The following NEDD4L variants were observed in gnomAD, a reference collection of about 807,000 sequenced individuals.
NEDD4L encodes E3 ubiquitin-protein ligase NEDD4-like.
In NEDD4L, 54 loss-of-function variants were observed where a neutral mutation model predicts 148.9. The ratio of observed to expected loss-of-function variants is 0.36; its 90% CI spans 0.29 to 0.45. The LOEUF is 0.45. NEDD4L is among the 20% of genes least tolerant of loss of function. The pLI is 1.00. For synonymous variants in NEDD4L, 433 were observed against 440.7 expected, an observed-to-expected ratio of 0.98 and a Z score of 0.22; for missense variants, 856 against 1,233.8, an observed-to-expected ratio of 0.69 and a Z score of 4.59.
chr18:58,288,512 G>A (rs934584332), intron 5 of NEDD4L, among the ~76,000 whole-genome samples: 6 of 152,140 alleles, frequency 3.9e-5, no homozygotes, highest in Non-Finnish European at 8.8e-5. Flanking sequence ...TTTGTATAGC[G>A]AAAAAGAACA....
At chr18:58,260,946 G>A (rs530051792) in intron 5 of NEDD4L, among the ~76,000 whole-genome samples, 26 of 152,258 alleles carry the variant, frequency 1.7e-4, no homozygotes, top group Admixed American at 1.6e-3. Flanking sequence ...TGTCCAGCTC[G>A]TAGGTTCATA....
At chr18:58,070,567 C>T (rs1465813858) in intron 1 of NEDD4L, among the ~76,000 whole-genome samples, 1 of 152,056 alleles carries the variant, frequency 6.6e-6, no homozygotes, top group Non-Finnish European at 1.5e-5. Context: ...ATCTAGAAGG[C>T]TCTGAGCATT....
At chr18:58,225,139 G>T (rs1044616905) in intron 2 of NEDD4L, among the ~76,000 whole-genome samples, 1 of 152,088 alleles carries the variant, frequency 6.6e-6, no homozygotes, top group Admixed American at 6.6e-5. Flanking sequence ...AAGGGGTATT[G>T]GGGGGGAAGA....
At chr18:58,351,733 A>C (rs1463452188) in intron 18 of NEDD4L, among the ~76,000 whole-genome samples, 5 of 152,082 alleles carry the variant, frequency 3.3e-5, no homozygotes, top group Non-Finnish European at 7.4e-5. Flanking sequence ...AAATTTTCTG[A>C]AAAAGTATAT....
At position 58,357,001 on chromosome 18, in the gene NEDD4L, G is replaced by A. The variant is rs57928540; in HGVS notation, c.1709-193G>A. ...TTGATTGAGTGTTTTTAACTAAACA[G>A]TATGTGAGGGGGGTTGCCATATAGA... On this transcript the variant is annotated intron_variant, in intron 18 of 30. Coordinates refer to ENST00000400345, the MANE Select transcript of NEDD4L (RefSeq NM_001144967.3). Among the ~76,000 whole-genome samples the A allele has an allele frequency of 4.6e-3, 697 of 152,272 alleles. 7 individuals carry two copies. The highest frequency in any genetic ancestry group is 0.012 in the African/African-American group (515 of 41,552).
intron 1 of NEDD4L, among the ~76,000 whole-genome samples, chr18:58,136,476 C>T (rs1021522293): frequency 5.3e-5 from 8 of 152,092 alleles, no homozygotes; most frequent in African/African-American, 1.4e-4. Flanking sequence ...TGTCTTCCAG[C>T]GATTTTCATT....
chr18:58,323,653 T>C (rs2059044990), intron 8 of NEDD4L, among the ~76,000 whole-genome samples: 1 of 152,218 alleles, frequency 6.6e-6, no homozygotes, highest in Non-Finnish European at 1.5e-5. Context: ...CTTGCAACTC[T>C]TTGTAAATTC....
intron 2 of NEDD4L, among the ~76,000 whole-genome samples, chr18:58,186,330 G>C (rs1321285197): frequency 2.6e-5 from 4 of 152,212 alleles, no homozygotes; most frequent in African/African-American, 9.6e-5. Context: ...AGAGAGAGAT[G>C]GTGGCTCCTG....
At chr18:58,289,666 A>G (rs1243554682) in intron 5 of NEDD4L, among the ~76,000 whole-genome samples, 3 of 152,126 alleles carry the variant, frequency 2.0e-5, no homozygotes, top group Non-Finnish European at 2.9e-5. Flanking sequence ...AGCTCTTAGT[A>G]ATTAGGGGAA....
At chr18:58,162,400 C>G (rs1352060857) in intron 1 of NEDD4L, among the ~76,000 whole-genome samples, 1 of 151,992 alleles carries the variant, frequency 6.6e-6, no homozygotes, top group Non-Finnish European at 1.5e-5. Context: ...ACTCCCAGCC[C>G]TGCCGCACCA....
intron 11 of NEDD4L, among the ~76,000 whole-genome samples, chr18:58,332,000 A>G (rs2059827921): frequency 6.6e-6 from 1 of 152,232 alleles, no homozygotes; most frequent in African/African-American, 2.4e-5. Flanking sequence ...TGGACAGGAT[A>G]AAAGAAATTG....
intron 1 of NEDD4L, among the ~76,000 whole-genome samples, chr18:58,125,990 A>G (rs2031012179): frequency 6.6e-6 from 1 of 152,136 alleles, no homozygotes; most frequent in Non-Finnish European, 1.5e-5. Flanking sequence ...CAGTCTGGGG[A>G]AGTTGGCATC....
At chr18:58,089,985 A>T (rs527388729) in intron 1 of NEDD4L, among the ~76,000 whole-genome samples, 1 of 151,968 alleles carries the variant, frequency 6.6e-6, no homozygotes, top group East Asian at 1.9e-4. Context: ...GATTACAGGT[A>T]TGTGCCACCA....
At chr18:58,080,589 C>T (rs529264270) in intron 1 of NEDD4L, among the ~76,000 whole-genome samples, 81 of 152,238 alleles carry the variant, frequency 5.3e-4, no homozygotes, top group African/African-American at 1.7e-3. Flanking sequence ...GCCAGATGAG[C>T]GAGAAGGCAA....
chr18:58,221,802 A>G, intron 2 of NEDD4L: 1 of 792,622 alleles, frequency 1.3e-6, no homozygotes, highest in Non-Finnish European at 1.5e-6. Flanking sequence ...TGAATGCATA[A>G]CATCTGTTCT....
chr18:58,385,393 G>A (rs2048877158), intron 25 of NEDD4L, 133 bp from the exon 26 acceptor site: 1 of 768,312 alleles, frequency 1.3e-6, no homozygotes, highest in Admixed American at 1.9e-5. Context: ...AAACTAAACA[G>A]TGGGGGCACA....
intron 5 of NEDD4L, among the ~76,000 whole-genome samples, chr18:58,308,726 G>A (rs1341725455): frequency 6.6e-6 from 1 of 152,210 alleles, no homozygotes; most frequent in African/African-American, 2.4e-5. Context: ...TGGTCTGGCC[G>A]CGCCTCCCTT....
intron 5 of NEDD4L, among the ~76,000 whole-genome samples, chr18:58,294,736 T>C (rs1183587377): frequency 6.6e-6 from 1 of 151,960 alleles, no homozygotes; most frequent in Non-Finnish European, 1.5e-5. Context: ...CCCAGGCTGG[T>C]CTTGAACTCC....
chr18:58,235,583 C>A lies in NEDD4L; in HGVS notation c.123-9844C>A, dbSNP rs192075276. On this transcript the variant is annotated intron_variant, in intron 2 of 30. Coordinates refer to ENST00000400345, the MANE Select transcript of NEDD4L (RefSeq NM_001144967.3). ...AGTTCCTGCCGTTAGAACTTGCTCT[C>A]TTTTTTAGTTAGACACAGCTCGGTG... Among the ~76,000 whole-genome samples the A allele has an allele frequency of 8.0e-4, 122 of 152,306 alleles. 1 individual carries two copies. Among genetic ancestry groups the A allele is most frequent in the African/African-American group, 2.6e-3 (108 of 41,548 alleles).
Sources: allele counts gnomAD v4.1 joint callset (sites outside exome capture counted in the v4.1 genomes callset), GRCh38; gene constraint gnomAD v4.1.1; transcripts MANE v1.5; gene names NCBI Gene and HGNC (gene_info 2026-07-23, HGNC 2026-07-21).